The following USO1 variants were observed in gnomAD, a reference collection of about 807,000 sequenced individuals.
USO1 encodes USO1 vesicle transport factor, also known as general vesicular transport factor p115.
In USO1, 57 loss-of-function variants were observed where a neutral mutation model predicts 124.5. The observed-to-expected ratio is 0.46, with a 90% CI of 0.37 to 0.57. USO1 has a LOEUF of 0.57. Among genes scored for constraint, USO1 ranks in the 20% least tolerant of loss-of-function variants. The probability of loss-of-function intolerance (pLI) is 0.00; values close to 1 mark genes in which losing one functional copy is unlikely to be tolerated. For missense variants in USO1, 900 were observed against 1,040.6 expected (o/e 0.86, Z 1.86); for synonymous variants, 369 against 362.8 (o/e 1.02, Z -0.19).
chr4:75,773,737 T>C (rs986230146), intron 7 of USO1, among the ~76,000 whole-genome samples: 8 of 152,200 alleles, frequency 5.3e-5, no homozygotes, highest in African/African-American at 1.9e-4. Context: ...TTTTCTCTCA[T>C]ATTAATGTTG....
rs1243146934 is a variant in USO1 at position 75,805,269 on chromosome 4, A to G, written c.2255A>G (p.Gln752Arg). ...LKRNQELLQSQLTEKDSMIEN... is the reference protein window; with the variant it reads ...LKRNQELLQSRLTEKDSMIEN... ...CGTAATCAGGAACTTTTACAAAGCC[A>G]GCTGACTGAAAAGGACTCTATGATT... The change falls in exon 19 of 24, where the codon CAG (glutamine) becomes CGG (arginine). Residue 752 changes from glutamine to arginine, a missense_variant. This residue lies in a region of USO1 where 362 missense variants were observed against 359.0 expected (regional missense o/e 1.01). Coordinates refer to ENST00000514213, the MANE Select transcript of USO1 (RefSeq NM_003715.4). The G allele has an allele frequency of 6.2e-7, 1 of 1,611,062 alleles. No individual in the cohort carries two copies. The highest frequency in any genetic ancestry group is 1.3e-5 in the African/African-American group (1 of 74,842).
chr4:75,799,962 G>C (rs1186862976), intron 14 of USO1, among the ~76,000 whole-genome samples: 2 of 125,696 alleles, frequency 1.6e-5, no homozygotes, highest in Non-Finnish European at 3.4e-5. Flanking sequence ...TTTTTTTTTT[G>C]AAATGAAGTC....
chr4:75,758,389 T>C (rs573513729), intron 4 of USO1, among the ~76,000 whole-genome samples: 7 of 152,318 alleles, frequency 4.6e-5, no homozygotes, highest in Admixed American at 3.3e-4. Context: ...ACTGAAGTTA[T>C]ATGATCTCTC....
intron 3 of USO1, among the ~76,000 whole-genome samples, chr4:75,752,861 T>G (rs1721330184): frequency 2.0e-5 from 3 of 152,118 alleles, no homozygotes; most frequent in Non-Finnish European, 2.9e-5. Context: ...TGTTAAGTTT[T>G]TACTTCAGAT....
chr4:75,812,099 A>G, intron 22 of USO1, 61 bp from the exon 23 acceptor site: 2 of 1,540,534 alleles, frequency 1.3e-6, no homozygotes, highest in South Asian at 2.5e-5. Context: ...ACTATTTGTT[A>G]AAAACTCTAG....
chr4:75,801,000 A>T lies in USO1; in HGVS notation c.1865-79A>T, dbSNP rs569112681. The stretch of plus-strand genomic sequence containing the variant: ...TTCTTACCTATCATGGAGTTAGGTT[A>T]TATGTTTTTACTAAGTCTTAGTAGT... On this transcript the variant is annotated intron_variant, in intron 16 of 23. Coordinates refer to ENST00000514213, the MANE Select transcript of USO1 (RefSeq NM_003715.4). 6.1e-5 allele frequency: 85 copies of T among 1,403,434 alleles called. 1 individual carries two copies. The South Asian group carries it at 1.2e-3, about 20-fold the overall frequency. 86.9% of individuals were successfully genotyped at this position (1,403,434 alleles called of 1,614,324 possible).
chr4:75,756,120 A>G (rs1011838275), intron 3 of USO1, among the ~76,000 whole-genome samples: 2 of 150,956 alleles, frequency 1.3e-5, no homozygotes, highest in African/African-American at 4.9e-5. Context: ...CAGTGAGTCA[A>G]GATCGCGCCA....
rs1360319068 is a variant in USO1 at position 75,797,561 on chromosome 4, A to G, written c.1453-2061A>G. ...AATCATGTTGTTTTGTTCCAGAAGC[A>G]AAAAAAAAAAAAAAAGCCTTTTAGT... On this transcript the variant is annotated intron_variant, in intron 13 of 23. Transcript: ENST00000514213. 1.2e-3 allele frequency among the ~76,000 whole-genome samples: 19 copies of G among 16,290 alleles called. No individual in the cohort carries two copies. In the Admixed American group the frequency reaches 0.014, roughly 12 times the overall value. The allele number at this position is 16,290 out of a possible 152,430, so 10.7% of individuals were successfully genotyped here.
rs534878627 is a variant in USO1, at chr4:75,799,319, C to T, written c.1453-303C>T. Reference sequence around the variant, plus strand: ...TGGGATTAATAGATTATTTTAAAGCCTCCACACTGATTTTTTTCCTTAGCA... The same window carrying T: ...TGGGATTAATAGATTATTTTAAAGCTTCCACACTGATTTTTTTCCTTAGCA... On this transcript the variant is annotated intron_variant, in intron 13 of 23. Transcript: ENST00000514213. 6.7e-4 allele frequency among the ~76,000 whole-genome samples: 102 copies of T among 152,014 alleles called. No individual in the cohort carries two copies. The South Asian group carries it at 0.011, about 16-fold the overall frequency.
chr4:75,795,493 A>G (rs760999102), intron 13 of USO1: 7 of 637,836 alleles, frequency 1.1e-5, no homozygotes, highest in Non-Finnish European at 2.0e-5. Context: ...GTGTCAGCCA[A>G]TTTATTTCTA....
At chr4:75,724,910 C>T in intron 1 of USO1, 25 bp downstream of exon 1, 2 of 1,611,746 alleles carry the variant, frequency 1.2e-6, no homozygotes, top group African/African-American at 1.3e-5. Flanking sequence ...GGGTCTGGGA[C>T]TTGGGAAGGG....
chr4:75,802,678 A>G (rs2149191013), intron 17 of USO1, among the ~76,000 whole-genome samples: 1 of 151,442 alleles, frequency 6.6e-6, no homozygotes, highest in South Asian at 2.1e-4. Context: ...TAGATGCAAT[A>G]CAATTTATAT....
intron 12 of USO1, among the ~76,000 whole-genome samples, chr4:75,792,473 G>A (rs927443499): frequency 6.6e-6 from 1 of 152,124 alleles, no homozygotes; most frequent in Non-Finnish European, 1.5e-5. Context: ...GGAGGCGGAG[G>A]TTGCAGTGAA....
intron 1 of USO1, among the ~76,000 whole-genome samples, chr4:75,740,514 C>T (rs1185972229): frequency 1.2e-4 from 18 of 152,182 alleles, no homozygotes; most frequent in Admixed American, 1.1e-3. Flanking sequence ...TCACAAATTC[C>T]TGGCTTCAAG....
chr4:75,730,023 C>A, intron 1 of USO1: 2 of 308,922 alleles, frequency 6.5e-6, no homozygotes, highest in Middle Eastern at 4.0e-4. Flanking sequence ...ACATTAATAA[C>A]CAGGTCAATG....
intron 4 of USO1, among the ~76,000 whole-genome samples, chr4:75,768,324 T>C (rs1368889846): frequency 6.6e-6 from 1 of 152,202 alleles, no homozygotes; most frequent in East Asian, 1.9e-4. Flanking sequence ...GTTCAATTTC[T>C]CTCAGCAGTG....
Position 75,790,781 on chromosome 4 carries a change from A to G in USO1, c.1224A>G (p.Leu408=). 1.2e-6 allele frequency: 2 copies of G among 1,602,654 alleles called. No individual in the cohort carries two copies. Among genetic ancestry groups the G allele is most frequent in the Admixed American group, 1.7e-5 (1 of 57,460 alleles). The change falls in exon 12 of 24, where the codon TTA becomes TTG. Residue 408 remains leucine (L), a synonymous_variant. Coordinates refer to ENST00000514213, the MANE Select transcript of USO1 (RefSeq NM_003715.4). The part of the protein sequence containing the change: ...KGQGEIVSTL[L]PSTIDATGNS... ...AAGGAGAAATCGTGTCAACACTTTT[A>G]CCTTCTACCATTGATGGTAAATAAT...
At chr4:75,802,102 A>C (rs1274964410) in intron 17 of USO1, among the ~76,000 whole-genome samples, 2 of 152,240 alleles carry the variant, frequency 1.3e-5, no homozygotes, top group Non-Finnish European at 2.9e-5. Flanking sequence ...GATTATAGGC[A>C]TAAGCCAGCG....
rs1174850036 is a variant in USO1 at position 75,770,883 on chromosome 4, T to C, written c.458T>C (p.Leu153Pro). The part of the protein sequence containing the change: ...VKLLTSLLKQ[L>P]GPQVQQIILV... ...CTTCTTACTTCTCTTTTAAAACAAC[T>C]AGGGCCTCAGGTGCAACAAATTATT... Residue 153 changes from leucine to proline, a missense_variant, in exon 6 of 24, where the codon CTA becomes CCA. Physicochemically the swap from Leu to Pro is moderately conservative, Grantham distance 98. Coordinates refer to ENST00000514213, the MANE Select transcript of USO1 (RefSeq NM_003715.4). 6.2e-7 allele frequency: 1 copy of C among 1,613,690 alleles called. No individual in the cohort carries two copies. The highest frequency in any genetic ancestry group is 1.7e-5 in the Admixed American group (1 of 59,980).
Sources: allele counts gnomAD v4.1 joint callset (sites outside exome capture counted in the v4.1 genomes callset), GRCh38; gene constraint gnomAD v4.1.1; regional missense constraint gnomAD v4.1.1; transcripts MANE v1.5; gene names NCBI Gene and HGNC (gene_info 2026-07-23, HGNC 2026-07-21).